HDAC9: variants seen among roughly 807,000 people sequenced by gnomAD.
The protein encoded by HDAC9 is histone deacetylase 9, also known as MEF-2 interacting transcription repressor (MITR) protein.
A neutral mutation model predicts 139.4 loss-of-function variants in HDAC9; 41 were observed. The ratio of observed to expected loss-of-function variants is 0.29; its 90% CI spans 0.23 to 0.38. HDAC9 has a LOEUF of 0.38. HDAC9 is among the 10% of genes least tolerant of loss of function. The pLI is 1.00. For missense variants in HDAC9, 1,147 were observed against 1,297.0 expected, an observed-to-expected ratio of 0.88 and a Z score of 1.78; for synonymous variants, 517 against 476.2, an observed-to-expected ratio of 1.09 and a Z score of -1.12.
At chr7:18,688,076 C>T (rs1382290199) in intron 12 of HDAC9, among the ~76,000 whole-genome samples, 1 of 151,580 alleles carries the variant, frequency 6.6e-6, no homozygotes, top group East Asian at 1.9e-4. Flanking sequence ...ACTATATATA[C>T]ACACACACAC....
chr7:18,478,457 T>A (rs1795298882), intron 1 of HDAC9, among the ~76,000 whole-genome samples: 1 of 152,236 alleles, frequency 6.6e-6, no homozygotes, highest in Admixed American at 6.5e-5. Context: ...TATTAGCTCA[T>A]TCCTTTTATG....
At chr7:18,629,526 G>T in intron 7 of HDAC9, 45 bp downstream of exon 7, 2 of 1,496,784 alleles carry the variant, frequency 1.3e-6, no homozygotes, top group Non-Finnish European at 1.8e-6. Context: ...GAGTAGGAAT[G>T]AAAAAAAAAT....
chr7:18,563,700 C>T (rs952366855), intron 2 of HDAC9, among the ~76,000 whole-genome samples: 1 of 151,366 alleles, frequency 6.6e-6, no homozygotes, highest in African/African-American at 2.4e-5. Context: ...TGTTTTCTTG[C>T]CATCAATTCC....
intron 16 of HDAC9, among the ~76,000 whole-genome samples, chr7:18,770,022 A>G (rs2129163342): frequency 6.6e-6 from 1 of 152,290 alleles, no homozygotes; most frequent in Admixed American, 6.5e-5. Flanking sequence ...CCTACAGAAT[A>G]CGGATGGGTT....
intron 21 of HDAC9, among the ~76,000 whole-genome samples, chr7:18,866,989 T>C (rs1170864703): frequency 6.6e-6 from 1 of 152,218 alleles, no homozygotes; most frequent in African/African-American, 2.4e-5. Context: ...CCAAATCTCA[T>C]GGAAAGAAAT....
At chr7:18,987,221 T>C (rs576611079) in intron 25 of HDAC9, among the ~76,000 whole-genome samples, 2 of 152,236 alleles carry the variant, frequency 1.3e-5, no homozygotes, top group Non-Finnish European at 2.9e-5. Context: ...AGATAGCTCT[T>C]ATTAATTTGG....
intron 1 of HDAC9, among the ~76,000 whole-genome samples, chr7:18,362,102 C>T (rs1783827628): frequency 6.6e-6 from 1 of 152,220 alleles, no homozygotes; most frequent in Non-Finnish European, 1.5e-5. Flanking sequence ...GGTGTCGTAG[C>T]TCTCCTCACT....
intron 24 of HDAC9, among the ~76,000 whole-genome samples, chr7:18,975,038 C>T (rs1344307070): frequency 6.6e-6 from 1 of 152,172 alleles, no homozygotes; most frequent in Non-Finnish European, 1.5e-5. Flanking sequence ...TTTGGGGCTA[C>T]TCATCATTTC....
chr7:18,245,897 A>T (rs1186004031), intron 2 of HDAC9, among the ~76,000 whole-genome samples: 2 of 151,874 alleles, frequency 1.3e-5, no homozygotes, highest in African/African-American at 4.8e-5. Flanking sequence ...ATCAGGCTTA[A>T]TGTTTCCAGA....
chr7:18,585,235 C>G, intron 2 of HDAC9, 46 bp from the exon 3 acceptor site: 1 of 1,596,176 alleles, frequency 6.3e-7, no homozygotes, highest in South Asian at 1.1e-5. Context: ...TTCCAATCTT[C>G]TATTACCCTC....
chr7:18,530,226 C>G (rs965534858), intron 2 of HDAC9, among the ~76,000 whole-genome samples: 2 of 152,086 alleles, frequency 1.3e-5, no homozygotes, highest in East Asian at 3.9e-4. Context: ...TCATGCCACT[C>G]CTGTTCTGCC....
chr7:18,644,713 A>G lies in HDAC9; in HGVS notation c.955A>G (p.Met319Val), dbSNP rs1383184016. The change falls in exon 9 of 26, where the codon ATG (methionine) becomes GTG (valine). Residue 319 changes from methionine (M) to valine (V), a missense_variant. By Grantham distance (21) the Met-to-Val change is conservative (BLOSUM62 1). Transcript: ENST00000686413. ...ACGCATTCTAATTCATGAAGATTCC[A>G]TGAACCTGCTAAGTCTTTATACCTC... ...QQRILIHEDS[M>V]NLLSLYTSPS... The G allele has an allele frequency of 1.9e-6, 3 of 1,612,070 alleles. No individual in the cohort carries two copies. The highest frequency in any genetic ancestry group is 2.5e-6 in the Non-Finnish European group (3 of 1,178,960).
intron 22 of HDAC9, among the ~76,000 whole-genome samples, chr7:18,880,528 T>C (rs954773260): frequency 6.6e-6 from 1 of 152,152 alleles, no homozygotes; most frequent in Non-Finnish European, 1.5e-5. Context: ...TGGAGGCTAT[T>C]ATCCTCAGCA....
intron 17 of HDAC9, among the ~76,000 whole-genome samples, chr7:18,794,616 T>A (rs1792621806): frequency 6.6e-6 from 1 of 152,242 alleles, no homozygotes; most frequent in Admixed American, 6.5e-5. Context: ...TGGTGCTTAC[T>A]CTTCAGTCTT....
At chr7:18,622,279 A>C (rs1402247385) in intron 6 of HDAC9, among the ~76,000 whole-genome samples, 1 of 152,224 alleles carries the variant, frequency 6.6e-6, no homozygotes, top group Non-Finnish European at 1.5e-5. Flanking sequence ...CTACAGGTGG[A>C]ATCATTGTAT....
chr7:18,095,262 T>C (rs1402482211), intron 1 of HDAC9, among the ~76,000 whole-genome samples: 1 of 152,154 alleles, frequency 6.6e-6, no homozygotes, highest in Admixed American at 6.6e-5. Flanking sequence ...TCTGAATTCC[T>C]ACTGTAGTTT....
chr7:18,294,925 G>A (rs1798045213), intron 1 of HDAC9, among the ~76,000 whole-genome samples: 1 of 152,090 alleles, frequency 6.6e-6, no homozygotes, highest in Non-Finnish European at 1.5e-5. Flanking sequence ...ACAATTGGAT[G>A]TCATTGGGGA....
At chr7:18,217,743 A>T (rs1327739660) in intron 2 of HDAC9, among the ~76,000 whole-genome samples, 1 of 152,248 alleles carries the variant, frequency 6.6e-6, no homozygotes, top group African/African-American at 2.4e-5. Context: ...TAAAAGCAGT[A>T]CAAGTTATCC....
intron 8 of HDAC9, 70 bp downstream of exon 8, chr7:18,634,812 T>A: frequency 2.2e-6 from 2 of 915,238 alleles, no homozygotes; most frequent in Middle Eastern, 2.2e-4. Flanking sequence ...CAAAGTGATA[T>A]TTCTGAGTTG....
Sources: gnomAD v4.1 joint callset for allele counts (sites outside exome capture counted in the v4.1 genomes callset) on GRCh38, gnomAD v4.1.1 for gene constraint, MANE v1.5 for transcripts, NCBI Gene and HGNC (gene_info 2026-07-23, HGNC 2026-07-21) for gene names.